The following POFUT2 variants were observed in gnomAD, a reference collection of about 807,000 sequenced individuals.
The protein encoded by POFUT2 is GDP-fucose protein O-fucosyltransferase 2.
Under a neutral mutation model 55.0 loss-of-function variants are expected in POFUT2, and 30 were observed. The ratio of observed to expected loss-of-function variants is 0.55; its 90% CI spans 0.41 to 0.74. POFUT2 has a LOEUF of 0.74. Ranked by LOEUF, POFUT2 falls within the 30% of genes least tolerant of loss-of-function variation. The probability of loss-of-function intolerance (pLI) is 0.00; values close to 1 mark genes in which losing one functional copy is unlikely to be tolerated. For missense variants in POFUT2, 524 were observed against 562.6 expected (o/e 0.93, Z 0.69); for synonymous variants, 267 against 231.1 (o/e 1.16, Z -1.41).
At chr21:45,269,785 T>TA (rs1012801466) in intron 7 of POFUT2, 54 bp downstream of exon 7, 108 of 1,503,194 alleles carry the variant, frequency 7.2e-5, no homozygotes, top group Admixed American at 2.2e-4. Flanking sequence ...GAATTATCAA[T>TA]AAAAAAAATA....
rs2093140302 is a variant in POFUT2 at position 45,264,898 on chromosome 21, AG to A, written c.*583del. Reference sequence around the variant, plus strand: ...CCTCCACGGGGCTCCCTGAGGCCTCAGGCCCTTTCCTTTGCAGCACCAGGTC... The same window carrying A: ...CCTCCACGGGGCTCCCTGAGGCCTCAGCCCTTTCCTTTGCAGCACCAGGTC... On this transcript the variant is annotated 3_prime_UTR_variant, in exon 9 of 9. Transcript: ENST00000349485. The A allele has an allele frequency of 6.6e-6, 1 of 152,380 alleles. No homozygotes were observed. Among genetic ancestry groups the A allele is most frequent in the Non-Finnish European group, 1.5e-5 (1 of 68,140 alleles). 9.4% of individuals were successfully genotyped at this position (152,380 alleles called of 1,614,324 possible).
Position 45,277,236 on chromosome 21 carries a change from C to T in POFUT2, c.706-94G>A, listed in dbSNP as rs967768830. 193 of 1,499,332 alleles carry T rather than the reference C, an allele frequency of 1.3e-4. No homozygotes were observed. The highest frequency in any genetic ancestry group is 3.4e-4 in the African/African-American group (25 of 72,786). The allele number at this position is 1,499,332 out of a possible 1,614,324, so 92.9% of individuals were successfully genotyped here. A position where few individuals can be genotyped will look rare whatever the true frequency, so the allele number is the denominator to read the frequency against. On this transcript the variant is annotated intron_variant, in intron 5 of 8. Transcript: ENST00000349485. This position sits in a 1 kb window ranked among gnomAD's most constrained non-coding sequence, Gnocchi z 6.9. ...TCCTGTCGCTGCCACCACCCACCCCCGCAGCTGGAACAAGCCCCTCAGACA... is the reference window on the plus strand; with the variant it reads ...TCCTGTCGCTGCCACCACCCACCCCTGCAGCTGGAACAAGCCCCTCAGACA...
At position 45,265,834 on chromosome 21, in the gene POFUT2, CCT is replaced by C; in HGVS notation, c.1137-201_1137-200del. ...GCTCAGGTGCCCTCGACATCGGCGC[CCT>C]GAGGGGCTCTGCCTGGTGCTGCAGC... On this transcript the variant is annotated intron_variant, in intron 8 of 8. Transcript: ENST00000349485. This position sits in a 1 kb window ranked among gnomAD's most constrained non-coding sequence, Gnocchi z 4.6. 2.1e-6 allele frequency: 3 copies of C among 1,399,614 alleles called. No individual in the cohort carries two copies. The highest frequency in any genetic ancestry group is 1.5e-5 in the South Asian group (1 of 66,480). The allele number at this position is 1,399,614 out of a possible 1,614,324, so 86.7% of individuals were successfully genotyped here.
intron 8 of POFUT2, chr21:45,266,502 G>C (rs550816377): frequency 4.9e-4 from 541 of 1,095,394 alleles, no homozygotes; most frequent in Non-Finnish European, 5.4e-4. Flanking sequence ...CCCACAGCAG[G>C]CTTCCTGGGC....
At chr21:45,287,676 C>CCAACCCAACAAATA in intron 1 of POFUT2, 65 bp downstream of exon 1, 1 of 1,181,536 alleles carries the variant, frequency 8.5e-7, no homozygotes, top group Non-Finnish European at 1.1e-6. Flanking sequence ...GCCCCGCCCC[C>CCAACCCAACAAATA]ATCCCATCCT....
intron 3 of POFUT2, 144 bp downstream of exon 3, chr21:45,283,239 G>A: frequency 4.6e-6 from 2 of 437,806 alleles, no homozygotes; most frequent in East Asian, 4.4e-5. Context: ...GCGGGGGGAG[G>A]CGGGGTGCTG....
rs116899166 is a variant in POFUT2, at chr21:45,285,979, C to A, written c.132-51G>T. The stretch of plus-strand genomic sequence containing the variant: ...GGTCTCAAATGCTGAGGTTTCTGCA[C>A]GGAAAACCCGACTGCTCACAAGTCT... On this transcript the variant is annotated intron_variant, in intron 1 of 8. Coordinates refer to ENST00000349485, the MANE Select transcript of POFUT2 (RefSeq NM_133635.6). The surrounding 1 kb of genome is among the most constrained non-coding windows in gnomAD (Gnocchi z 4.9). The A allele has an allele frequency of 0.039, 59,517 of 1,529,726 alleles. 1,420 individuals carry two copies. The highest frequency in any genetic ancestry group is 0.073 in the South Asian group (6,046 of 82,806). 94.8% of individuals were successfully genotyped at this position (1,529,726 alleles called of 1,614,324 possible). A position where few individuals can be genotyped will look rare whatever the true frequency, so the allele number is the denominator to read the frequency against.
Position 45,265,366 on chromosome 21 carries a change from G to A in POFUT2, c.*116C>T, listed in dbSNP as rs577561643. The A allele has an allele frequency of 1.7e-5, 16 of 933,734 alleles. No individual in the cohort carries two copies. Among genetic ancestry groups the A allele is most frequent in the African/African-American group, 8.3e-5 (5 of 60,216 alleles). The allele number at this position is 933,734 out of a possible 1,614,324, so 57.8% of individuals were successfully genotyped here. On this transcript the variant is annotated 3_prime_UTR_variant, in exon 9 of 9. Transcript: ENST00000349485. This position sits in a 1 kb window ranked among gnomAD's most constrained non-coding sequence, Gnocchi z 4.6. ...GCCTCTTCTGGGCCTGGGACCCTGCGAGGGACGGTCCTGTCCGCCCAGCTC... is the reference window on the plus strand; with the variant it reads ...GCCTCTTCTGGGCCTGGGACCCTGCAAGGGACGGTCCTGTCCGCCCAGCTC...
chr21:45,274,418 A>T (rs768249592), intron 6 of POFUT2, among the ~76,000 whole-genome samples: 1 of 152,226 alleles, frequency 6.6e-6, no homozygotes, highest in African/African-American at 2.4e-5. Flanking sequence ...AATTCCCATC[A>T]AAATGCCATC....
At chr21:45,275,472 AT>A (rs2093254455) in intron 6 of POFUT2, among the ~76,000 whole-genome samples, 1 of 152,264 alleles carries the variant, frequency 6.6e-6, no homozygotes, top group Non-Finnish European at 1.5e-5. Context: ...TTGCATATGC[AT>A]GTTTATAGCA....
intron 4 of POFUT2, among the ~76,000 whole-genome samples, chr21:45,280,411 G>A (rs931576462): frequency 1.3e-5 from 2 of 152,222 alleles, no homozygotes. Flanking sequence ...GGGTGCACGT[G>A]TTTTCCTGGT....
In POFUT2 at chr21:45,283,428, C is replaced by G; in HGVS notation, c.482G>C (p.Cys161Ser). 6.2e-7 allele frequency: 1 copy of G among 1,613,308 alleles called. No individual in the cohort carries two copies. Among genetic ancestry groups the G allele is most frequent in the Non-Finnish European group, 8.5e-7 (1 of 1,179,766 alleles). Residue 161 changes from cysteine (C) to serine (S), a missense_variant, in exon 3 of 9, where the codon TGT (cysteine) becomes TCT (serine). Physicochemically the swap from Cys to Ser is moderately radical, Grantham distance 112. This residue lies in a region of POFUT2 where 274 missense variants were observed against 244.4 expected (regional missense o/e 1.12). Coordinates refer to ENST00000349485, the MANE Select transcript of POFUT2 (RefSeq NM_133635.6). ...TWEEKVDERP[C>S]IDQLLYSQDK... is the part of the protein sequence containing the mutation. ...CTGGGAGTACAGGAGCTGATCAATA[C>G]ACGGCCGCTCGTCCACCTTCTCTTC...
Position 45,287,812 on chromosome 21 carries a change from A to G in POFUT2, c.60T>C (p.Ser20=). 6.6e-7 allele frequency: 1 copy of G among 1,508,108 alleles called. No individual in the cohort carries two copies. Among genetic ancestry groups the G allele is most frequent in the Non-Finnish European group, 8.9e-7 (1 of 1,124,560 alleles). 93.4% of individuals were successfully genotyped at this position (1,508,108 alleles called of 1,614,324 possible). The change falls in exon 1 of 9, where the codon TCT becomes TCC. Residue 20 remains serine (S), a synonymous_variant. Coordinates refer to ENST00000349485, the MANE Select transcript of POFUT2 (RefSeq NM_133635.6). ...CGGGCCAGAACTCCTGGCCGGAGGCAGAAGCCGGAGGCCAGGACACTGCCC... is the reference window on the plus strand; with the variant it reads ...CGGGCCAGAACTCCTGGCCGGAGGCGGAAGCCGGAGGCCAGGACACTGCCC... ...LLGAVSWPPA[S]ASGQEFWPGQ...
chr21:45,265,914 C>T lies in POFUT2; in HGVS notation c.1137-279G>A, dbSNP rs530966153. On this transcript the variant is annotated intron_variant, in intron 8 of 8. Transcript: ENST00000349485. This position sits in a 1 kb window ranked among gnomAD's most constrained non-coding sequence, Gnocchi z 4.6. ...GCCACGCTCCTGTCCCACCGCATGT[C>T]CCCCTGGGAGCCCTCCTCTCCGTCA... 1 of 1,302,166 alleles carries T rather than the reference C, an allele frequency of 7.7e-7. No homozygotes were observed. Among genetic ancestry groups the T allele is most frequent in the Non-Finnish European group, 9.9e-7 (1 of 1,014,360 alleles). 80.7% of individuals were successfully genotyped at this position (1,302,166 alleles called of 1,614,324 possible).
At chr21:45,268,479 G>T (rs2093179123) in intron 7 of POFUT2, among the ~76,000 whole-genome samples, 1 of 151,050 alleles carries the variant, frequency 6.6e-6, no homozygotes, top group Non-Finnish European at 1.5e-5. Context: ...CTGCCTGGCT[G>T]CCCAGTCTGG....
At chr21:45,276,848 G>A (rs570945235) in intron 6 of POFUT2, among the ~76,000 whole-genome samples, 169 bp downstream of exon 6, 8 of 152,210 alleles carry the variant, frequency 5.3e-5, no homozygotes, top group Admixed American at 1.3e-4. Context: ...GGGTCCCGGC[G>A]CCTCCCGAGA....
In POFUT2 at chr21:45,278,160, C is replaced by T; in HGVS notation, c.648G>A (p.Met216Ile). 2.5e-6 allele frequency: 4 copies of T among 1,612,336 alleles called. No individual in the cohort carries two copies. Among genetic ancestry groups the T allele is most frequent in the Non-Finnish European group, 3.4e-6 (4 of 1,178,414 alleles). Residue 216 changes from methionine to isoleucine, a missense_variant, in exon 5 of 9, where the codon ATG (methionine) becomes ATA (isoleucine). Met to Ile is a conservative substitution (Grantham distance 10). Around this residue, in one of 2 missense-constraint regions of POFUT2, gnomAD observed 250 missense variants for 318.2 expected, o/e 0.79. Transcript: ENST00000349485. ...LLRNTSARSVMLDRAENLLHD... is the reference protein window; with the variant it reads ...LLRNTSARSVILDRAENLLHD... Reference sequence around the variant, plus strand: ...GAAGTAGGTTCTCGGCTCTGTCTAACATCACGGACCTGTTTTTAAACAACA... The same window carrying T: ...GAAGTAGGTTCTCGGCTCTGTCTAATATCACGGACCTGTTTTTAAACAACA...
Position 45,285,612 on chromosome 21 carries a change from C to T in POFUT2, c.382+66G>A. On this transcript the variant is annotated intron_variant, in intron 2 of 8. Transcript: ENST00000349485. This position sits in a 1 kb window ranked among gnomAD's most constrained non-coding sequence, Gnocchi z 4.9. The stretch of plus-strand genomic sequence containing the variant: ...AATCGTAAGCCCAACCTGATGTCTA[C>T]CTTAGAAATGACTGCCTGGCCCCAG... The T allele has an allele frequency of 6.2e-7, 1 of 1,603,852 alleles. No homozygotes were observed. The highest frequency in any genetic ancestry group is 8.5e-7 in the Non-Finnish European group (1 of 1,174,672).
chr21:45,266,444 G>A (rs865985759), intron 8 of POFUT2: 53 of 1,154,242 alleles, frequency 4.6e-5, no homozygotes, highest in African/African-American at 3.9e-4. Flanking sequence ...TGGGCCGAGC[G>A]CTTCGCGCAG....
Sources: allele counts gnomAD v4.1 joint callset (sites outside exome capture counted in the v4.1 genomes callset), GRCh38; gene constraint gnomAD v4.1.1; regional missense constraint gnomAD v4.1.1; non-coding constraint Gnocchi (gnomAD v3.1); transcripts MANE v1.5; gene names NCBI Gene and HGNC (gene_info 2026-07-23, HGNC 2026-07-21).